The following ERI1 variants were observed in gnomAD, a reference collection of about 807,000 sequenced individuals.
ERI1 encodes exoribonuclease 1.
In ERI1, 39 loss-of-function variants were observed where a neutral mutation model predicts 39.7. The observed-to-expected ratio is 0.98, with a 90% CI of 0.76 to 1.28. The LOEUF is 1.28. Ranked by LOEUF, ERI1 falls within the 50% of genes most tolerant of loss-of-function variation. The probability of loss-of-function intolerance (pLI) is 0.00; values close to 1 mark genes in which losing one functional copy is unlikely to be tolerated. For synonymous variants in ERI1, 204 were observed against 149.6 expected (o/e 1.36, Z -2.65); for missense variants, 581 against 416.9 (o/e 1.39, Z -3.43).
intron 3 of ERI1, among the ~76,000 whole-genome samples, chr8:9,070,199 A>C (rs1799003372): frequency 6.6e-6 from 1 of 152,068 alleles, no homozygotes; most frequent in African/African-American, 2.4e-5. Flanking sequence ...AGATTGCACC[A>C]CTGCACTCCA....
intron 3 of ERI1, among the ~76,000 whole-genome samples, chr8:9,040,600 C>T (rs1053101304): frequency 6.6e-6 from 1 of 152,032 alleles, no homozygotes; most frequent in Non-Finnish European, 1.5e-5. Context: ...GCTGAGGCAC[C>T]CCTTAGAAGG....
At chr8:9,056,272 C>T (rs1585266730) in intron 3 of ERI1, among the ~76,000 whole-genome samples, 1 of 152,250 alleles carries the variant, frequency 6.6e-6, no homozygotes, top group Admixed American at 6.5e-5. Flanking sequence ...TCAGAGAATG[C>T]AGGAGCACAG....
At chr8:9,083,848 C>T (rs1205550001) in intron 3 of ERI1, among the ~76,000 whole-genome samples, 2 of 151,886 alleles carry the variant, frequency 1.3e-5, no homozygotes, top group Non-Finnish European at 2.9e-5. Context: ...GGCTGGAGTG[C>T]AGTGGTGTGA....
chr8:9,036,092 G>A (rs765441009), downstream of ERI1, among the ~76,000 whole-genome samples: 1 of 152,192 alleles, frequency 6.6e-6, no homozygotes, highest in African/African-American at 2.4e-5. Context: ...GTGATTTCTT[G>A]AGATGGAATC....
chr8:9,055,733 G>C (rs190253766), intron 3 of ERI1, among the ~76,000 whole-genome samples: 16 of 152,270 alleles, frequency 1.1e-4, no homozygotes, highest in Admixed American at 3.3e-4. Flanking sequence ...TACAGATGGG[G>C]TTTTGCCATG....
intron 3 of ERI1, among the ~76,000 whole-genome samples, chr8:9,039,107 A>G (rs1287225248): frequency 6.6e-6 from 1 of 152,228 alleles, no homozygotes; most frequent in African/African-American, 2.4e-5. Flanking sequence ...ATGTAAACCC[A>G]AAGGGCTTTA....
At chr8:9,059,057 A>G (rs1798605422) in intron 3 of ERI1, among the ~76,000 whole-genome samples, 1 of 151,938 alleles carries the variant, frequency 6.6e-6, no homozygotes, top group Non-Finnish European at 1.5e-5. Flanking sequence ...GGATTTGGGT[A>G]GGTAAAGGAA....
chr8:9,035,495 AGCAC>A (rs1797814670), downstream of ERI1, among the ~76,000 whole-genome samples: 1 of 152,208 alleles, frequency 6.6e-6, no homozygotes, highest in East Asian at 1.9e-4. Context: ...CCTGAATGAC[AGCAC>A]ATCTGTTTAC....
intron 3 of ERI1, among the ~76,000 whole-genome samples, chr8:9,064,029 G>T (rs575824289): frequency 4.4e-4 from 67 of 152,130 alleles, no homozygotes; most frequent in African/African-American, 1.6e-3. Flanking sequence ...AGCAGGAAAG[G>T]GGTTGGGGTG....
In ERI1 at chr8:9,052,831, T is replaced by A. The variant is rs569916189; in HGVS notation, n.299+32367T>A. Among the ~76,000 whole-genome samples, 4 of 152,276 alleles carry A rather than the reference T, an allele frequency of 2.6e-5. No individual in the cohort carries two copies. The South Asian group carries it at 6.2e-4, about 24-fold the overall frequency. On this transcript the variant is annotated intron_variant and non_coding_transcript_variant, in intron 3 of 3. Coordinates refer to the ERI1 transcript ENST00000518663. ...TCCTTTCTGATCATAACTAAGTTTA[T>A]GCTATTGAGGTGAATCAAGGTGGGC...
chr8:9,004,061 C>T (rs1180635861), intron 1 of ERI1: 2 of 1,288,862 alleles, frequency 1.6e-6, no homozygotes, highest in Non-Finnish European at 1.0e-6. Context: ...AGTTTTTTCC[C>T]TTTTGTTCCC....
intron 3 of ERI1, among the ~76,000 whole-genome samples, chr8:9,066,236 G>T (rs959229929): frequency 7.9e-5 from 12 of 151,872 alleles, no homozygotes; most frequent in African/African-American, 2.9e-4. Context: ...CTTCATTGGG[G>T]TTCCCACTAG....
intron 3 of ERI1, among the ~76,000 whole-genome samples, chr8:9,080,190 G>T (rs1183413511): frequency 6.6e-6 from 1 of 152,116 alleles, no homozygotes; most frequent in Admixed American, 6.5e-5. Flanking sequence ...TTTTAAGAGG[G>T]GAGTAGGACG....
chr8:9,025,701 TTTGTG>T (rs991888822), intron 6 of ERI1, among the ~76,000 whole-genome samples: 38 of 147,924 alleles, frequency 2.6e-4, no homozygotes, highest in African/African-American at 8.9e-4. Flanking sequence ...ATCTTTTTTT[TTTGTG>T]TGTGTGTGTG....
intron 3 of ERI1, among the ~76,000 whole-genome samples, chr8:9,085,800 T>C (rs1221291044): frequency 1.3e-5 from 2 of 152,056 alleles, no homozygotes; most frequent in South Asian, 2.1e-4. Context: ...GCTGTTGGGA[T>C]TGGTGTCCAT....
At chr8:9,054,438 G>A (rs1798446762) in intron 3 of ERI1, among the ~76,000 whole-genome samples, 1 of 152,072 alleles carries the variant, frequency 6.6e-6, no homozygotes, top group South Asian at 2.1e-4. Context: ...CGACAGAAAG[G>A]GGATGATCCC....
intron 3 of ERI1, among the ~76,000 whole-genome samples, chr8:9,059,250 T>C (rs1390196461): frequency 1.3e-5 from 2 of 152,180 alleles, no homozygotes; most frequent in Admixed American, 1.3e-4. Context: ...GAAGCGGCCA[T>C]CTGGATGTGT....
At chr8:9,064,873 G>A (rs900580117) in intron 3 of ERI1, among the ~76,000 whole-genome samples, 4 of 152,144 alleles carry the variant, frequency 2.6e-5, no homozygotes, top group South Asian at 2.1e-4. Context: ...GGGTGCAAGC[G>A]GGCTGAGTCC....
At position 9,032,814 on chromosome 8, in the gene ERI1, C is replaced by G. The variant is rs1797683914; in HGVS notation, c.*2780C>G. On this transcript the variant is annotated 3_prime_UTR_variant, in exon 7 of 7. Coordinates refer to ENST00000250263, the MANE Select transcript of ERI1 (RefSeq NM_153332.4). ...GTCAAGATAATAATGCATGTTTGGC[C>G]TCAGCTGTAGTTGCCAAAGAAACTA... 1 of 152,114 alleles carries G rather than the reference C, an allele frequency of 6.6e-6. No homozygotes were observed. The highest frequency in any genetic ancestry group is 1.5e-5 in the Non-Finnish European group (1 of 68,020). The allele number at this position is 152,114 out of a possible 1,614,324, so 9.4% of individuals were successfully genotyped here. A position where few individuals can be genotyped will look rare whatever the true frequency, so the allele number is the denominator to read the frequency against.
Sources: gnomAD v4.1 joint callset for allele counts (sites outside exome capture counted in the v4.1 genomes callset) on GRCh38, gnomAD v4.1.1 for gene constraint, MANE v1.5 for transcripts, NCBI Gene and HGNC (gene_info 2026-07-23, HGNC 2026-07-21) for gene names.